PRKN: variants seen among roughly 807,000 people sequenced by gnomAD.
PRKN encodes the protein E3 ubiquitin-protein ligase parkin.
In PRKN, 56 loss-of-function variants were observed where a neutral mutation model predicts 59.5. The observed-to-expected ratio is 0.94, with a 90% CI of 0.76 to 1.18. The LOEUF is 1.18. Among genes scored for constraint, PRKN ranks in the 50% most tolerant of loss-of-function variants. The pLI, the probability that PRKN is intolerant of heterozygous loss-of-function variation, is 0.00. For synonymous variants in PRKN, 250 were observed against 222.1 expected, an observed-to-expected ratio of 1.13 and a Z score of -1.12; for missense variants, 657 against 596.4, an observed-to-expected ratio of 1.10 and a Z score of -1.06.
rs772336975 is a variant in PRKN, at chr6:162,555,981, C to CAAAAAAAAAA, written c.8-112518_8-112509dup. Among the ~76,000 whole-genome samples, 174 of 90,286 alleles carry CAAAAAAAAAA rather than the reference C, an allele frequency of 1.9e-3. 9 individuals are homozygous for CAAAAAAAAAA. Among genetic ancestry groups the CAAAAAAAAAA allele is most frequent in the Middle Eastern group, 0.016 (2 of 126 alleles). The allele number at this position is 90,286 out of a possible 152,430, so 59.2% of individuals were successfully genotyped here. A position where few individuals can be genotyped will look rare whatever the true frequency, so the allele number is the denominator to read the frequency against. ...GGGCAACAAGAGCGAAACTCCATCT[C>CAAAAAAAAAA]AAAAAAAAAAAAAAAAAAGTGAGAA... On this transcript the variant is annotated intron_variant, in intron 1 of 11. Transcript: ENST00000366898.
In PRKN at chr6:161,462,742, A is replaced by G. The variant is rs112693554; in HGVS notation, c.1084-75865T>C. Among the ~76,000 whole-genome samples, 52 of 152,276 alleles carry G rather than the reference A, an allele frequency of 3.4e-4. No individual in the cohort carries two copies. The highest frequency in any genetic ancestry group is 1.2e-3 in the African/African-American group (51 of 41,550). ...AAACATTCTGTAGCTGGAAAATATC[A>G]CCCTGTTTCTCTGGAGAACGGTAGC... On this transcript the variant is annotated intron_variant, in intron 9 of 11. Coordinates refer to ENST00000366898, the MANE Select transcript of PRKN (RefSeq NM_004562.3). This position sits in a 1 kb window ranked among gnomAD's most constrained non-coding sequence, Gnocchi z 4.5.
chr6:162,659,349 T>C (rs1177587896), intron 1 of PRKN, among the ~76,000 whole-genome samples: 1 of 152,168 alleles, frequency 6.6e-6, no homozygotes, highest in Non-Finnish European at 1.5e-5. Flanking sequence ...GCTACTTTTC[T>C]ATATTGCCTC....
intron 5 of PRKN, among the ~76,000 whole-genome samples, chr6:161,977,370 G>GC (rs1433373399): frequency 1.3e-5 from 2 of 152,208 alleles, no homozygotes; most frequent in East Asian, 3.9e-4. Context: ...CAGTGGTTTT[G>GC]CATCACAAAT....
At chr6:161,824,643 T>G (rs1792166237) in intron 6 of PRKN, among the ~76,000 whole-genome samples, 1 of 152,200 alleles carries the variant, frequency 6.6e-6, no homozygotes, top group Non-Finnish European at 1.5e-5. Context: ...ACAAAATGCC[T>G]GCAGAAGCAA....
At chr6:162,543,644 T>C (rs973969723) in intron 1 of PRKN, among the ~76,000 whole-genome samples, 3 of 152,156 alleles carry the variant, frequency 2.0e-5, no homozygotes, top group Non-Finnish European at 4.4e-5. Context: ...GTAATACTTG[T>C]AATTACTCAG....
At chr6:162,713,648 T>C (rs187863344) in intron 1 of PRKN, among the ~76,000 whole-genome samples, 61 of 152,260 alleles carry the variant, frequency 4.0e-4, no homozygotes, top group African/African-American at 1.4e-3. Context: ...AAAATTCACC[T>C]TCAGAAATTT....
intron 5 of PRKN, among the ~76,000 whole-genome samples, chr6:161,988,270 T>C (rs1220895868): frequency 6.6e-6 from 1 of 152,096 alleles, no homozygotes; most frequent in Non-Finnish European, 1.5e-5. Flanking sequence ...GCGGATCACC[T>C]GAGATCAGGA....
rs1257072854 is a variant in PRKN, at chr6:161,583,011, CACACACACACAT to C, written c.872-13607_872-13596del. Among the ~76,000 whole-genome samples the C allele has an allele frequency of 1.0e-3, 148 of 147,112 alleles. 4 individuals carry two copies. The highest frequency in any genetic ancestry group is 7.1e-3 in the Middle Eastern group (2 of 282). On this transcript the variant is annotated intron_variant, in intron 7 of 11. Coordinates refer to ENST00000366898, the MANE Select transcript of PRKN (RefSeq NM_004562.3). The stretch of plus-strand genomic sequence containing the variant: ...ACACACACACACACACACACACACA[CACACACACACAT>C]ACACATTTTGTAAGATCTTGAAAAC...
At chr6:162,004,264 C>T (rs1029859233) in intron 5 of PRKN, among the ~76,000 whole-genome samples, 4 of 152,118 alleles carry the variant, frequency 2.6e-5, no homozygotes, top group Admixed American at 6.6e-5. Flanking sequence ...GCTGCTTCAC[C>T]CGCTCTTGCT....
Position 162,165,532 on chromosome 6 carries a change from G to T in PRKN, c.534+35599C>A, listed in dbSNP as rs538424550. Among the ~76,000 whole-genome samples, 14 of 149,334 alleles carry T rather than the reference G, an allele frequency of 9.4e-5. 1 individual carries two copies. In the South Asian group the frequency reaches 2.9e-3, roughly 31 times the overall value. On this transcript the variant is annotated intron_variant, in intron 4 of 11. Transcript: ENST00000366898. ...AGAGACATCACGAAAAGAAAAATATGAATCACTAACCAGCACGTAAGAAAG... is the reference window on the plus strand; with the variant it reads ...AGAGACATCACGAAAAGAAAAATATTAATCACTAACCAGCACGTAAGAAAG...
chr6:162,568,450 G>A, intron 1 of PRKN: 4 of 620,444 alleles, frequency 6.4e-6, no homozygotes, highest in East Asian at 3.0e-5. Context: ...TCCGGGGGTG[G>A]CCTGGGTGGA....
At chr6:161,632,414 G>T (rs1259084518) in intron 7 of PRKN, among the ~76,000 whole-genome samples, 2 of 152,098 alleles carry the variant, frequency 1.3e-5, no homozygotes, top group Admixed American at 1.3e-4. Flanking sequence ...ACGTTATCTA[G>T]TCTTTTACTT....
intron 7 of PRKN, among the ~76,000 whole-genome samples, chr6:161,647,488 C>G (rs968951466): frequency 6.6e-6 from 1 of 152,152 alleles, no homozygotes; most frequent in Non-Finnish European, 1.5e-5. Context: ...CAAGTGCAGC[C>G]ACCACCACAG....
At chr6:161,993,349 G>C (rs1307375341) in intron 5 of PRKN, among the ~76,000 whole-genome samples, 1 of 152,092 alleles carries the variant, frequency 6.6e-6, no homozygotes, top group East Asian at 1.9e-4. Flanking sequence ...GGAAAATCTA[G>C]AGGAAATATA....
intron 6 of PRKN, among the ~76,000 whole-genome samples, chr6:161,971,833 A>C (rs1490249434): frequency 6.6e-6 from 1 of 152,260 alleles, no homozygotes; most frequent in Non-Finnish European, 1.5e-5. Context: ...AGTTTAAAGC[A>C]ACTTTAAAAG....
intron 7 of PRKN, among the ~76,000 whole-genome samples, chr6:161,711,795 C>A (rs1009243313): frequency 6.6e-6 from 1 of 152,170 alleles, no homozygotes; most frequent in African/African-American, 2.4e-5. Flanking sequence ...CTTCATCTTT[C>A]TCCCATGCTG....
At chr6:161,727,545 G>A (rs1210303336) in intron 7 of PRKN, among the ~76,000 whole-genome samples, 1 of 152,216 alleles carries the variant, frequency 6.6e-6, no homozygotes, top group Non-Finnish European at 1.5e-5. Flanking sequence ...TGATTGTAGA[G>A]AAAGTCTGCA....
intron 2 of PRKN, among the ~76,000 whole-genome samples, chr6:162,440,624 G>T (rs9356020): frequency 7.6e-4 from 115 of 152,036 alleles, no homozygotes; most frequent in Admixed American, 7.5e-3. Flanking sequence ...CTATGATAAA[G>T]AATACGAAAC....
chr6:162,582,781 T>C (rs548576310), intron 1 of PRKN, among the ~76,000 whole-genome samples: 1 of 152,342 alleles, frequency 6.6e-6, no homozygotes, highest in South Asian at 2.1e-4. Context: ...AACTGTACCT[T>C]ACATGTCTCT....
Sources: allele counts gnomAD v4.1 joint callset (sites outside exome capture counted in the v4.1 genomes callset), GRCh38; gene constraint gnomAD v4.1.1; non-coding constraint Gnocchi (gnomAD v3.1); transcripts MANE v1.5; gene names NCBI Gene and HGNC (gene_info 2026-07-23, HGNC 2026-07-21).